The following LRRC4C variants were observed in gnomAD, a reference collection of about 807,000 sequenced individuals.
The protein encoded by LRRC4C is leucine-rich repeat-containing protein 4C.
Under a neutral mutation model 33.6 loss-of-function variants are expected in LRRC4C, and 5 were observed. The ratio of observed to expected loss-of-function variants is 0.15; its 90% CI spans 0.08 to 0.31. LRRC4C has a LOEUF of 0.31. LRRC4C is among the 10% of genes least tolerant of loss of function. The pLI is 1.00. For synonymous variants in LRRC4C, 329 were observed against 302.0 expected (o/e 1.09, Z -0.93); for missense variants, 560 against 796.7 (o/e 0.70, Z 3.58).
chr11:40,944,316 A>G (rs1468673631), intron 1 of LRRC4C, among the ~76,000 whole-genome samples: 2 of 152,160 alleles, frequency 1.3e-5, no homozygotes, highest in African/African-American at 4.8e-5. Context: ...TTATCTATCA[A>G]TTGCAAGATT....
chr11:40,941,619 G>T (rs1958148654), intron 1 of LRRC4C, among the ~76,000 whole-genome samples: 1 of 152,218 alleles, frequency 6.6e-6, no homozygotes, highest in Non-Finnish European at 1.5e-5. Context: ...CTAACTTCCA[G>T]CTATCTTCAC....
chr11:40,558,593 A>C (rs138101833), intron 3 of LRRC4C, among the ~76,000 whole-genome samples: 4 of 152,286 alleles, frequency 2.6e-5, no homozygotes, highest in African/African-American at 9.6e-5. Flanking sequence ...CGTCATTACC[A>C]CATCACTCCT....
At chr11:41,285,466 A>C (rs1949795527) in intron 1 of LRRC4C, among the ~76,000 whole-genome samples, 1 of 152,218 alleles carries the variant, frequency 6.6e-6, no homozygotes, top group South Asian at 2.1e-4. Context: ...GATTAATAAC[A>C]TTACATCCTT....
intron 2 of LRRC4C, among the ~76,000 whole-genome samples, chr11:40,911,934 T>C (rs1211156669): frequency 6.6e-6 from 1 of 152,012 alleles, no homozygotes; most frequent in Non-Finnish European, 1.5e-5. Flanking sequence ...TCAACTGGAA[T>C]AAAAGGTATC....
At chr11:40,635,784 C>T (rs1228649903) in intron 3 of LRRC4C, among the ~76,000 whole-genome samples, 1 of 151,634 alleles carries the variant, frequency 6.6e-6, no homozygotes, top group Admixed American at 6.6e-5. Context: ...CTACAGGCGC[C>T]CGCCACCATG....
intron 6 of LRRC4C, among the ~76,000 whole-genome samples, chr11:40,119,818 G>A (rs1855698073): frequency 6.6e-6 from 1 of 152,012 alleles, no homozygotes; most frequent in Non-Finnish European, 1.5e-5. Flanking sequence ...CCAATCCAAA[G>A]GTCAAACCCC....
At chr11:40,676,435 C>T (rs11036010) in intron 2 of LRRC4C, among the ~76,000 whole-genome samples, 7,877 of 152,216 alleles carry the variant, frequency 0.052, 681 homozygotes, top group African/African-American at 0.18. Flanking sequence ...TTTTGAAAAC[C>T]AGTGAGGGAA....
intron 3 of LRRC4C, among the ~76,000 whole-genome samples, chr11:40,328,741 T>C (rs1946213447): frequency 6.6e-6 from 1 of 152,336 alleles, no homozygotes; most frequent in Admixed American, 6.5e-5. Context: ...TCTGTCATAA[T>C]TTAAAAATGA....
In LRRC4C at chr11:40,201,284, C is replaced by T. The variant is rs537962468; in HGVS notation, c.-96+40235G>A. On this transcript the variant is annotated intron_variant, in intron 5 of 6. Coordinates refer to ENST00000528697, the MANE Select transcript of LRRC4C (RefSeq NM_001258419.2). ...TTTGCAAATGAGATATTTCATCAAT[C>T]TATGGATTCCCTGTTTTTTTGTCTT... Among the ~76,000 whole-genome samples, 4 of 152,302 alleles carry T rather than the reference C, an allele frequency of 2.6e-5. No homozygotes were observed. The South Asian group carries it at 8.3e-4, about 32-fold the overall frequency.
At chr11:41,006,535 G>C (rs1252777792) in intron 1 of LRRC4C, among the ~76,000 whole-genome samples, 2 of 152,170 alleles carry the variant, frequency 1.3e-5, no homozygotes, top group East Asian at 3.9e-4. Flanking sequence ...AGAGGACAGA[G>C]CCTCTAGTGA....
At chr11:41,256,535 C>G (rs1001603752) in intron 1 of LRRC4C, among the ~76,000 whole-genome samples, 1 of 151,936 alleles carries the variant, frequency 6.6e-6, no homozygotes, top group African/African-American at 2.4e-5. Flanking sequence ...AAAGTGGTTA[C>G]AGCAAACCCA....
At chr11:40,825,737 C>G (rs753524665) in intron 2 of LRRC4C, among the ~76,000 whole-genome samples, 1 of 151,412 alleles carries the variant, frequency 6.6e-6, no homozygotes, top group Non-Finnish European at 1.5e-5. Context: ...ACAGAAGACA[C>G]GACATGTCCC....
At chr11:41,389,639 C>CAAAAAAGAA (rs1555163691) in intron 1 of LRRC4C, among the ~76,000 whole-genome samples, 1 of 80,972 alleles carries the variant, frequency 1.2e-5, no homozygotes, top group East Asian at 5.4e-4. Flanking sequence ...CAGTGAGCAG[C>CAAAAAAGAA]AAAAAAAAAA....
chr11:41,024,422 T>A (rs1856201316), intron 1 of LRRC4C, among the ~76,000 whole-genome samples: 1 of 151,704 alleles, frequency 6.6e-6, no homozygotes, highest in Non-Finnish European at 1.5e-5. Flanking sequence ...ACTGTCAAAA[T>A]AATAAAGTTA....
At chr11:40,549,019 G>A (rs564948982) in intron 3 of LRRC4C, among the ~76,000 whole-genome samples, 18 of 152,010 alleles carry the variant, frequency 1.2e-4, no homozygotes, top group Admixed American at 1.2e-3. Context: ...AAAGCATTAA[G>A]GTTCATATTA....
intron 3 of LRRC4C, among the ~76,000 whole-genome samples, chr11:40,510,732 C>T (rs79889934): frequency 0.017 from 2,569 of 152,154 alleles, 40 homozygotes; most frequent in South Asian, 0.033. Context: ...CACCTAGTTG[C>T]CTCAGTTGAT....
intron 2 of LRRC4C, among the ~76,000 whole-genome samples, chr11:40,933,268 G>T (rs1957713776): frequency 6.6e-6 from 1 of 152,166 alleles, no homozygotes; most frequent in Admixed American, 6.6e-5. Flanking sequence ...CTGACTCCTG[G>T]CAAAACTGTA....
intron 6 of LRRC4C, among the ~76,000 whole-genome samples, chr11:40,126,475 G>C (rs1285587512): frequency 1.3e-5 from 2 of 152,034 alleles, no homozygotes; most frequent in Non-Finnish European, 2.9e-5. Flanking sequence ...TTGTAAGAGA[G>C]GTAAATTACC....
chr11:40,967,438 C>T (rs865854232), intron 1 of LRRC4C, among the ~76,000 whole-genome samples: 2 of 152,146 alleles, frequency 1.3e-5, no homozygotes, highest in Middle Eastern at 6.8e-3. Context: ...CTTTATTGTG[C>T]TTTGCAGTTA....
Sources: gnomAD v4.1 joint callset for allele counts (sites outside exome capture counted in the v4.1 genomes callset) on GRCh38, gnomAD v4.1.1 for gene constraint, MANE v1.5 for transcripts, NCBI Gene and HGNC (gene_info 2026-07-23, HGNC 2026-07-21) for gene names.